The following VASH1 variants were observed in gnomAD, a reference collection of about 807,000 sequenced individuals.
VASH1 encodes the protein tubulinyl-Tyr carboxypeptidase 1.
VASH1 carries 16 observed loss-of-function variants against 35.0 expected under a neutral mutation model. The ratio of observed to expected loss-of-function variants is 0.46; its 90% CI spans 0.31 to 0.70. The LOEUF (loss-of-function observed/expected upper bound fraction) is 0.70. VASH1 is among the 30% of genes least tolerant of loss of function. The probability of loss-of-function intolerance (pLI) is 0.05; values close to 1 mark genes in which losing one functional copy is unlikely to be tolerated. For synonymous variants in VASH1, 214 were observed against 200.9 expected (o/e 1.07, Z -0.55); for missense variants, 505 against 510.7 (o/e 0.99, Z 0.11).
chr14:76,769,201 C>A, intron 1 of VASH1: 1 of 1,154,216 alleles, frequency 8.7e-7, no homozygotes, highest in Non-Finnish European at 1.1e-6. Flanking sequence ...ACTGCCTGTT[C>A]TCTCCTCTGC....
In VASH1 at chr14:76,771,258, G is replaced by A. The variant is rs1466241495; in HGVS notation, c.455+12G>A. On this transcript the variant is annotated intron_variant, in intron 3 of 6. Transcript: ENST00000167106. ...AGACCTCTGACAGGGTAAGTATGGG[G>A]AGGCCAGTCCTCTGCCCCAGGGCTG... The A allele has an allele frequency of 3.1e-6, 5 of 1,596,210 alleles. No individual in the cohort carries two copies. Among genetic ancestry groups the A allele is most frequent in the Non-Finnish European group, 3.4e-6 (4 of 1,171,324 alleles).
intron 5 of VASH1, among the ~76,000 whole-genome samples, chr14:76,777,699 T>G (rs992382167): frequency 2.6e-5 from 4 of 152,160 alleles, no homozygotes; most frequent in African/African-American, 9.7e-5. Context: ...TGCAATATTA[T>G]GGTATCTCAG....
Position 76,773,146 on chromosome 14 carries a change from C to T in VASH1, c.465C>T (p.Asp155=). 1.2e-6 allele frequency: 2 copies of T among 1,613,944 alleles called. No individual in the cohort carries two copies. Among genetic ancestry groups the T allele is most frequent in the Non-Finnish European group, 1.7e-6 (2 of 1,179,898 alleles). The change falls in exon 4 of 7, where the codon GAC becomes GAT. Residue 155 remains aspartate (D), a synonymous_variant. Transcript: ENST00000167106. ...CCTCCCTTTCCCACAGGCTGATGGACCTGGCCAAGGAAATGACCAAAGAGG... is the reference window on the plus strand; with the variant it reads ...CCTCCCTTTCCCACAGGCTGATGGATCTGGCCAAGGAAATGACCAAAGAGG... ...KKSRPLTGLM[D]LAKEMTKEAL... is the part of the protein sequence containing the mutation.
chr14:76,774,889 C>T (rs1472194320), intron 4 of VASH1: 1 of 152,286 alleles, frequency 6.6e-6, no homozygotes, highest in South Asian at 2.1e-4. Flanking sequence ...AGTTCCTTAA[C>T]ATCTCTGAGC....
At position 76,778,058 on chromosome 14, in the gene VASH1, C is replaced by T. The variant is rs759377866; in HGVS notation, c.1012C>T (p.Arg338Cys). 11 of 1,504,486 alleles carry T rather than the reference C, an allele frequency of 7.3e-6. No individual in the cohort carries two copies. Among genetic ancestry groups the T allele is most frequent in the South Asian group, 3.9e-5 (3 of 76,784 alleles). 93.2% of individuals were successfully genotyped at this position (1,504,486 alleles called of 1,614,324 possible). Residue 338 changes from arginine (R) to cysteine (C), a missense_variant, in exon 6 of 7, where the codon CGC (arginine) becomes TGC (cysteine). By Grantham distance (180) the Arg-to-Cys change is radical. Coordinates refer to ENST00000167106, the MANE Select transcript of VASH1 (RefSeq NM_014909.5). The part of the protein sequence containing the change: ...AQSSPHRRNS[R>C]SERRPSGDKK... ...GTCCAGCCCCCACCGCAGGAACAGC[C>T]GCAGTGAAAGACGGTGAGAGAGGGA...
intron 2 of VASH1, 116 bp downstream of exon 2, chr14:76,770,167 C>A: frequency 1.1e-6 from 1 of 944,644 alleles, no homozygotes; most frequent in Non-Finnish European, 1.6e-6. Flanking sequence ...GCCAGGGCCA[C>A]CATTCACGTG....
At chr14:76,773,340 C>CAAGATGGAG (rs969691686) in intron 4 of VASH1, 129 bp downstream of exon 4, 2 of 934,884 alleles carry the variant, frequency 2.1e-6, no homozygotes, top group Non-Finnish European at 3.2e-6. Flanking sequence ...TGCTTGGCCC[C>CAAGATGGAG]AAGATGGAGA....
At chr14:76,778,812 C>T in intron 6 of VASH1, 134 bp from the exon 7 acceptor site, 2 of 851,272 alleles carry the variant, frequency 2.3e-6, no homozygotes, top group Non-Finnish European at 4.0e-6. Context: ...CTTCCATACG[C>T]ACTGTGCTGT....
chr14:76,769,407 T>C (rs927210841), intron 1 of VASH1: 3 of 1,289,062 alleles, frequency 2.3e-6, no homozygotes, highest in Admixed American at 4.6e-5. Flanking sequence ...CTGCTACCGC[T>C]GACTGACTCC....
chr14:76,774,893 T>C (rs1365238117), intron 4 of VASH1: 1 of 152,214 alleles, frequency 6.6e-6, no homozygotes, highest in Non-Finnish European at 1.5e-5. Context: ...CCTTAACATC[T>C]CTGAGCCTGG....
At chr14:76,763,791 A>G (rs1007761189) in intron 1 of VASH1, among the ~76,000 whole-genome samples, 6 of 152,144 alleles carry the variant, frequency 3.9e-5, no homozygotes, top group African/African-American at 1.4e-4. Flanking sequence ...AAAATGAAAT[A>G]ATTTTTCTGT....
chr14:76,771,663 G>T (rs1008350291), intron 3 of VASH1, among the ~76,000 whole-genome samples: 6 of 152,152 alleles, frequency 3.9e-5, no homozygotes, highest in Admixed American at 1.3e-4. Flanking sequence ...CCATTGCAGG[G>T]TACTTGCATG....
In VASH1 at chr14:76,762,569, C is replaced by T. The variant is rs528721646; in HGVS notation, c.-253C>T. The T allele has an allele frequency of 5.5e-5, 20 of 366,356 alleles. No homozygotes were observed. Among genetic ancestry groups the T allele is most frequent in the African/African-American group, 4.2e-4 (20 of 47,904 alleles). 22.7% of individuals were successfully genotyped at this position (366,356 alleles called of 1,614,324 possible). A position where few individuals can be genotyped will look rare whatever the true frequency, so the allele number is the denominator to read the frequency against. ...GACGGCTGCCAAGTTGGGGTGTGTTCTCTTTATTCCGTTTTTCAAACAGAA... is the reference window on the plus strand; with the variant it reads ...GACGGCTGCCAAGTTGGGGTGTGTTTTCTTTATTCCGTTTTTCAAACAGAA... On this transcript the variant is annotated 5_prime_UTR_variant, in exon 1 of 7. Transcript: ENST00000167106.
In VASH1 at chr14:76,762,766, G is replaced by A; in HGVS notation, c.-56G>A. The stretch of plus-strand genomic sequence containing the variant: ...TATCTCTGCAGCCGGTGTGTGGGAG[G>A]CCTCTTGTGAGCCAGTTGTTTTCCC... On this transcript the variant is annotated 5_prime_UTR_variant, in exon 1 of 7. Coordinates refer to ENST00000167106, the MANE Select transcript of VASH1 (RefSeq NM_014909.5). The A allele has an allele frequency of 1.4e-6, 2 of 1,412,790 alleles. No homozygotes were observed. Among genetic ancestry groups the A allele is most frequent in the Non-Finnish European group, 1.9e-6 (2 of 1,075,368 alleles). The allele number at this position is 1,412,790 out of a possible 1,614,324, so 87.5% of individuals were successfully genotyped here. A position where few individuals can be genotyped will look rare whatever the true frequency, so the allele number is the denominator to read the frequency against.
chr14:76,770,848 C>G (rs1893775313), intron 2 of VASH1, among the ~76,000 whole-genome samples: 1 of 152,218 alleles, frequency 6.6e-6, no homozygotes, highest in Admixed American at 6.5e-5. Flanking sequence ...GAGTTGGACC[C>G]CCTACCCTAG....
chr14:76,776,276 C>T lies in VASH1; in HGVS notation c.912+3C>T, dbSNP rs1411967063. The T allele has an allele frequency of 1.3e-6, 2 of 1,581,306 alleles. No homozygotes were observed. Among genetic ancestry groups the T allele is most frequent in the Non-Finnish European group, 1.7e-6 (2 of 1,167,674 alleles). On this transcript the variant is annotated splice_donor_region_variant and intron_variant, in intron 5 of 6. Transcript: ENST00000167106. ...ACGCCCGCGACATGCGGCTCAAGGT[C>T]TGCCCGCCTTCCACGCCCTCGCCCC...
chr14:76,763,102 G>A lies in VASH1; in HGVS notation c.281G>A (p.Arg94Gln), dbSNP rs775627927. 4.8e-5 allele frequency: 71 copies of A among 1,494,236 alleles called. No homozygotes were observed. Among genetic ancestry groups the A allele is most frequent in the Non-Finnish European group, 6.3e-5 (70 of 1,115,596 alleles). 92.6% of individuals were successfully genotyped at this position (1,494,236 alleles called of 1,614,324 possible). A position where few individuals can be genotyped will look rare whatever the true frequency, so the allele number is the denominator to read the frequency against. ...CCCGATGGAGAGAAGGTGGCGCAAC[G>A]GATCCGTGGGGCCACAGACCTGCCC... ...IHPDGEKVAQ[R>Q]IRGATDLPKI... The change falls in exon 1 of 7, where the codon CGG (arginine) becomes CAG (glutamine). Residue 94 changes from arginine (R) to glutamine (Q), a missense_variant. Transcript: ENST00000167106.
intron 5 of VASH1, among the ~76,000 whole-genome samples, chr14:76,777,356 G>A (rs1232439661): frequency 6.6e-6 from 1 of 152,250 alleles, no homozygotes; most frequent in Non-Finnish European, 1.5e-5. Flanking sequence ...TAAGGCATCA[G>A]ATTGGATCTA....
chr14:76,779,156 G>A lies in VASH1; in HGVS notation c.*138G>A. The stretch of plus-strand genomic sequence containing the variant: ...TGCAGGAAGAGTGTGTTCCAGCTCA[G>A]CCCCCCAAGCTGCTCTCGCTCCCAC... On this transcript the variant is annotated 3_prime_UTR_variant, in exon 7 of 7. Transcript: ENST00000167106. The A allele has an allele frequency of 1.0e-6, 1 of 966,626 alleles. No homozygotes were observed. The highest frequency in any genetic ancestry group is 1.6e-6 in the Non-Finnish European group (1 of 620,228). 59.9% of individuals were successfully genotyped at this position (966,626 alleles called of 1,614,324 possible). A position where few individuals can be genotyped will look rare whatever the true frequency, so the allele number is the denominator to read the frequency against.
Sources: allele counts gnomAD v4.1 joint callset (sites outside exome capture counted in the v4.1 genomes callset), GRCh38; gene constraint gnomAD v4.1.1; transcripts MANE v1.5; gene names NCBI Gene and HGNC (gene_info 2026-07-23, HGNC 2026-07-21).